UGGT1: variants seen among roughly 807,000 people sequenced by gnomAD.
The protein encoded by UGGT1 is UDP-glucose glycoprotein glucosyltransferase 1, also known as UDP-glucose:glycoprotein glucosyltransferase 1.
In UGGT1, 107 loss-of-function variants were observed where a neutral mutation model predicts 203.9. The observed-to-expected ratio is 0.52, with a 90% CI of 0.45 to 0.62. UGGT1 has a LOEUF of 0.62. Ranked by LOEUF, UGGT1 falls within the 20% of genes least tolerant of loss-of-function variation. The pLI, the probability that UGGT1 is intolerant of heterozygous loss-of-function variation, is 0.00. For missense variants in UGGT1, 1,673 were observed against 1,867.2 expected (o/e 0.90, Z 1.92); for synonymous variants, 628 against 653.5 (o/e 0.96, Z 0.59).
intron 18 of UGGT1, chr2:128,151,350 G>A: frequency 4.1e-6 from 2 of 484,598 alleles, no homozygotes; most frequent in East Asian, 4.0e-5. Flanking sequence ...CCTTCCCCAG[G>A]CCCTGCAACC....
intron 2 of UGGT1, among the ~76,000 whole-genome samples, chr2:128,098,483 G>A (rs1278439901): frequency 2.0e-5 from 3 of 152,178 alleles, no homozygotes; most frequent in South Asian, 2.1e-4. Context: ...GGCTAGGTAC[G>A]GTGGCTCATG....
rs754802147 is a variant in UGGT1 at position 128,195,325 on chromosome 2, G to A, written c.*5583G>A. The A allele has an allele frequency of 6.6e-5, 10 of 152,148 alleles. No individual in the cohort carries two copies. Among genetic ancestry groups the A allele is most frequent in the African/African-American group, 1.2e-4 (5 of 41,432 alleles). The allele number at this position is 152,148 out of a possible 1,614,324, so 9.4% of individuals were successfully genotyped here. ...GGCATAACGTCTCTTAACAACAACA[G>A]CAGAAAGCAAAATACATTAACTTAA... On this transcript the variant is annotated 3_prime_UTR_variant, in exon 41 of 41. Coordinates refer to ENST00000259253, the MANE Select transcript of UGGT1 (RefSeq NM_020120.4).
At chr2:128,188,733 C>G (rs1295093279) in intron 40 of UGGT1, among the ~76,000 whole-genome samples, 1 of 152,126 alleles carries the variant, frequency 6.6e-6, no homozygotes, top group African/African-American at 2.4e-5. Context: ...TTGCTTGAGC[C>G]TGGAGGTCAA....
intron 18 of UGGT1, among the ~76,000 whole-genome samples, chr2:128,149,798 A>AT (rs1558795693): frequency 6.7e-6 from 1 of 149,964 alleles, no homozygotes; most frequent in East Asian, 2.0e-4. Context: ...GAAAAAAAAA[A>AT]AATAATAATA....
Position 128,177,894 on chromosome 2 carries a change from A to T in UGGT1, c.3687A>T (p.Glu1229Asp). The T allele has an allele frequency of 6.2e-7, 1 of 1,604,352 alleles. No homozygotes were observed. The highest frequency in any genetic ancestry group is 8.5e-7 in the Non-Finnish European group (1 of 1,175,900). The change falls in exon 33 of 41, where the codon GAA becomes GAT. Residue 1229 changes from glutamate (E) to aspartate (D), a missense_variant. Physicochemically the swap from Glu to Asp is conservative, Grantham distance 45. Transcript: ENST00000259253. Reference protein sequence around the residue: ...DLLSDGTSENESGFWDSFKWG... With the variant: ...DLLSDGTSENDSGFWDSFKWG... Reference sequence around the variant, plus strand: ...TGAGTGATGGAACGAGTGAGAATGAATCTGGATTTTGGGATTCCTTCAAAT... The same window carrying T: ...TGAGTGATGGAACGAGTGAGAATGATTCTGGATTTTGGGATTCCTTCAAAT...
At chr2:128,176,951 A>C in intron 32 of UGGT1, 53 bp downstream of exon 32, 1 of 1,544,840 alleles carries the variant, frequency 6.5e-7, no homozygotes, top group Non-Finnish European at 8.9e-7. Context: ...GTCATTTAAA[A>C]ATATGTATCT....
In UGGT1 at chr2:128,109,627, G is replaced by A. The variant is rs1182939015; in HGVS notation, c.409-7G>A. 6.2e-7 allele frequency: 1 copy of A among 1,609,842 alleles called. No individual in the cohort carries two copies. Among genetic ancestry groups the A allele is most frequent in the Non-Finnish European group, 8.5e-7 (1 of 1,176,102 alleles). ...TTAAAAAGTATGTGTTGTGTCTTAT[G>A]TGACAGATAGCAGCTGATGAACCTC... On this transcript the variant is annotated splice_region_variant and splice_polypyrimidine_tract_variant and intron_variant, in intron 4 of 40. Coordinates refer to ENST00000259253, the MANE Select transcript of UGGT1 (RefSeq NM_020120.4).
At chr2:128,118,340 A>C (rs185648236) in intron 8 of UGGT1, among the ~76,000 whole-genome samples, 4 of 152,256 alleles carry the variant, frequency 2.6e-5, no homozygotes, top group Non-Finnish European at 5.9e-5. Context: ...ATCACGGCTC[A>C]CTGCAGCCTT....
chr2:128,169,048 T>TAAAAAAAAAAAAAAAAAA, intron 26 of UGGT1, among the ~76,000 whole-genome samples: 1 of 52,564 alleles, frequency 1.9e-5, no homozygotes, highest in African/African-American at 1.0e-4. Flanking sequence ...ACTCTGTCTT[T>TAAAAAAAAAAAAAAAAAA]AAAAAAAAAA....
intron 5 of UGGT1, 30 bp downstream of exon 5, chr2:128,109,776 C>T: frequency 6.4e-7 from 1 of 1,560,728 alleles, no homozygotes; most frequent in Non-Finnish European, 8.8e-7. Flanking sequence ...ATTTTCATGT[C>T]ATGCATTTCC....
At chr2:128,174,916 C>T in intron 31 of UGGT1, 58 bp downstream of exon 31, 2 of 1,442,070 alleles carry the variant, frequency 1.4e-6, no homozygotes, top group East Asian at 2.3e-5. Flanking sequence ...AGCATTAGCT[C>T]TAATTGAATA....
chr2:128,155,619 C>A, intron 20 of UGGT1, 32 bp downstream of exon 20: 1 of 1,543,234 alleles, frequency 6.5e-7, no homozygotes, highest in Admixed American at 1.9e-5. Context: ...ATCTTGCATT[C>A]AACATTTTTT....
Position 128,149,763 on chromosome 2 carries a change from G to C in UGGT1, c.2017-3021G>C, listed in dbSNP as rs187559649. Among the ~76,000 whole-genome samples, 316 of 150,726 alleles carry C rather than the reference G, an allele frequency of 2.1e-3. 2 individuals carry two copies. The highest frequency in any genetic ancestry group is 7.4e-3 in the African/African-American group (304 of 41,024). ...ATTGCGCCACTGCACTCCAGCCAGG[G>C]TGACAGAGCAAGACTCCGTCTCAAG... On this transcript the variant is annotated intron_variant, in intron 18 of 40. Transcript: ENST00000259253.
rs1250411266 is a variant in UGGT1, at chr2:128,134,904, C to T, written c.1526C>T (p.Thr509Ile). The T allele has an allele frequency of 1.2e-6, 2 of 1,613,806 alleles. No individual in the cohort carries two copies. Among genetic ancestry groups the T allele is most frequent in the African/African-American group, 2.7e-5 (2 of 74,924 alleles). The change falls in exon 15 of 41, where the codon ACC becomes ATC. Residue 509 changes from threonine to isoleucine, a missense_variant. By Grantham distance (89) the Thr-to-Ile change is moderately conservative (BLOSUM62 -1). Around this residue, in one of 4 missense-constraint regions of UGGT1, gnomAD observed 1,073 missense variants for 1,078.7 expected, o/e 0.99. Transcript: ENST00000259253. ...TTCATAGTTGATCCTGCACATGAGACCACAGCAGAGTTGATGAACACAGCT... is the reference window on the plus strand; with the variant it reads ...TTCATAGTTGATCCTGCACATGAGATCACAGCAGAGTTGATGAACACAGCT... Reference protein sequence around the residue: ...MVFIVDPAHETTAELMNTAEM... With the variant: ...MVFIVDPAHEITAELMNTAEM...
intron 22 of UGGT1, 40 bp from the exon 23 acceptor site, chr2:128,159,474 A>G (rs780573619): frequency 7.0e-6 from 11 of 1,575,862 alleles, no homozygotes; most frequent in African/African-American, 1.4e-5. Context: ...AAGTTCAAAA[A>G]TATCTACAAT....
intron 8 of UGGT1, 125 bp from the exon 9 acceptor site, chr2:128,120,231 C>T (rs549134518): frequency 2.4e-5 from 18 of 758,516 alleles, no homozygotes; most frequent in East Asian, 8.0e-5. Flanking sequence ...ATTTTTTCCC[C>T]CTATGTCGTA....
chr2:128,187,713 A>G, intron 40 of UGGT1, 99 bp downstream of exon 40: 3 of 1,297,632 alleles, frequency 2.3e-6, no homozygotes, highest in Non-Finnish European at 1.0e-6. Context: ...GAAGAGAAAA[A>G]TCTCCTATTA....
At position 128,159,535 on chromosome 2, in the gene UGGT1, A is replaced by G. The variant is rs775391815; in HGVS notation, c.2377A>G (p.Ile793Val). ...ACAGAAATCCAGTAACAATGTTAGA[A>G]TAAGCATGATCAATAATCCTGCCAA... ...KHQKSSNNVRISMINNPAKEI... is the reference protein window; with the variant it reads ...KHQKSSNNVRVSMINNPAKEI... The change falls in exon 23 of 41, where the codon ATA becomes GTA. Residue 793 changes from isoleucine to valine, a missense_variant. By Grantham distance (29) the Ile-to-Val change is conservative. Coordinates refer to ENST00000259253, the MANE Select transcript of UGGT1 (RefSeq NM_020120.4). 4 of 1,614,196 alleles carry G rather than the reference A, an allele frequency of 2.5e-6. No individual in the cohort carries two copies. Among genetic ancestry groups the G allele is most frequent in the Non-Finnish European group, 2.5e-6 (3 of 1,180,030 alleles).
In UGGT1 at chr2:128,120,381, C is replaced by T. The variant is rs751862525; in HGVS notation, c.898C>T (p.Gln300Ter). The change falls in exon 9 of 41, where the codon CAG (glutamine) becomes TAG (stop). Residue 300 changes from glutamine to a stop codon, truncating the protein, a stop_gained. Coordinates refer to ENST00000259253, the MANE Select transcript of UGGT1 (RefSeq NM_020120.4). LOFTEE classifies it high-confidence loss of function. ...LRDLHPDLEG[Q>*]LKELRKHLVE... is the part of the protein sequence containing the mutation. ...AGATCTGCACCCCGACCTGGAGGGA[C>T]AGTTGAAAGAACTCAGAAAGCATCT... The T allele has an allele frequency of 1.2e-6, 2 of 1,613,862 alleles. No homozygotes were observed. The highest frequency in any genetic ancestry group is 2.2e-5 in the East Asian group (1 of 44,858).
Sources: gnomAD v4.1 joint callset for allele counts (sites outside exome capture counted in the v4.1 genomes callset) on GRCh38, gnomAD v4.1.1 for gene constraint, gnomAD v4.1.1 regional missense constraint, MANE v1.5 for transcripts, NCBI Gene and HGNC (gene_info 2026-07-23, HGNC 2026-07-21) for gene names.